Variants in MPZL1 observed in about 807,000 individuals in gnomAD.
The protein encoded by MPZL1 is myelin protein zero like 1.
In MPZL1, 16 loss-of-function variants were observed where a neutral mutation model predicts 29.3. That is an observed-to-expected ratio of 0.55 (90% CI 0.37 to 0.83). MPZL1 has a LOEUF of 0.83. Ranked by LOEUF, MPZL1 falls within the 40% of genes least tolerant of loss-of-function variation. The pLI is 0.00. For synonymous variants in MPZL1, 143 were observed against 132.0 expected, an observed-to-expected ratio of 1.08 and a Z score of -0.57; for missense variants, 279 against 332.9, an observed-to-expected ratio of 0.84 and a Z score of 1.26.
At chr1:167,738,823 G>A (rs1660437914) in intron 1 of MPZL1, among the ~76,000 whole-genome samples, 1 of 152,138 alleles carries the variant, frequency 6.6e-6, no homozygotes. Context: ...GCAAATGCCA[G>A]CATCATGCTT....
intron 1 of MPZL1, among the ~76,000 whole-genome samples, chr1:167,750,358 C>G (rs1040900002): frequency 2.5e-4 from 38 of 151,984 alleles, no homozygotes; most frequent in African/African-American, 9.2e-4. Context: ...ATGCTACCAA[C>G]GCCCAGCTAA....
Position 167,722,232 on chromosome 1 carries a change from G to T in MPZL1, c.81G>T (p.Ala27=), listed in dbSNP as rs901086821. Residue 27 remains alanine, a synonymous_variant, in exon 1 of 6, where the codon GCG becomes GCT. Transcript: ENST00000359523. ...RRWLWSVLAA[A]LGLLTAGVSA... is the part of the protein sequence containing the mutation. ...GGCTGTGGTCGGTGCTGGCGGCGGC[G>T]CTTGGGCTCTGTAAGTGATGCCAGG... 8.1e-7 allele frequency: 1 copy of T among 1,239,296 alleles called. No homozygotes were observed. 76.8% of individuals were successfully genotyped at this position (1,239,296 alleles called of 1,614,324 possible). A position where few individuals can be genotyped will look rare whatever the true frequency, so the allele number is the denominator to read the frequency against.
intron 1 of MPZL1, among the ~76,000 whole-genome samples, chr1:167,760,836 A>T (rs1660972911): frequency 6.6e-6 from 1 of 151,614 alleles, no homozygotes; most frequent in Non-Finnish European, 1.5e-5. Context: ...GGTCACCAAG[A>T]GAAGGAATGT....
intron 1 of MPZL1, 46 bp downstream of exon 1, chr1:167,722,288 C>G: frequency 8.1e-7 from 1 of 1,232,940 alleles, no homozygotes; most frequent in Non-Finnish European, 1.0e-6. Flanking sequence ...GTGGGGCCCC[C>G]GGGCCCGACA....
chr1:167,729,789 A>AT (rs1305405000), intron 1 of MPZL1, among the ~76,000 whole-genome samples: 1 of 152,188 alleles, frequency 6.6e-6, no homozygotes, highest in Non-Finnish European at 1.5e-5. Flanking sequence ...TTGAGTGCTT[A>AT]CTATGTGCCA....
At chr1:167,763,102 T>C (rs1276631761) in intron 1 of MPZL1, among the ~76,000 whole-genome samples, 1 of 152,108 alleles carries the variant, frequency 6.6e-6, no homozygotes, top group East Asian at 1.9e-4. Context: ...TGGTTAGTCT[T>C]TTTGCTCAAA....
chr1:167,764,130 C>A (rs1005583508), intron 1 of MPZL1, among the ~76,000 whole-genome samples: 3 of 152,092 alleles, frequency 2.0e-5, no homozygotes, highest in Admixed American at 2.0e-4. Context: ...CAAACGATTT[C>A]TTTAAAAAAT....
chr1:167,746,825 T>G (rs1660656420), intron 1 of MPZL1, among the ~76,000 whole-genome samples: 1 of 152,244 alleles, frequency 6.6e-6, no homozygotes, highest in Non-Finnish European at 1.5e-5. Flanking sequence ...CATTCTTAGT[T>G]TCCTCTAAAA....
At chr1:167,730,617 C>T (rs1049179811) in intron 1 of MPZL1, among the ~76,000 whole-genome samples, 1 of 152,234 alleles carries the variant, frequency 6.6e-6, no homozygotes, top group Middle Eastern at 3.4e-3. Context: ...ATACCTCTCC[C>T]GCTATCAAGA....
At chr1:167,739,278 T>TAC (rs1320065028) in intron 1 of MPZL1, among the ~76,000 whole-genome samples, 13 of 87,714 alleles carry the variant, frequency 1.5e-4, no homozygotes, top group African/African-American at 7.7e-4. Flanking sequence ...TATATACATA[T>TAC]ATACATATAT....
chr1:167,768,184 C>G (rs1049411715), intron 2 of MPZL1, among the ~76,000 whole-genome samples: 2 of 152,170 alleles, frequency 1.3e-5, no homozygotes, highest in African/African-American at 4.8e-5. Context: ...TATCAGGAAC[C>G]TAGATTCCCA....
Position 167,773,337 on chromosome 1 carries a change from A to G in MPZL1, c.574A>G (p.Arg192Gly), listed in dbSNP as rs756156098. 6.2e-7 allele frequency: 1 copy of G among 1,614,082 alleles called. No individual in the cohort carries two copies. The highest frequency in any genetic ancestry group is 1.1e-5 in the South Asian group (1 of 91,070). The change falls in exon 4 of 6, where the codon AGA (arginine) becomes GGA (glycine). Residue 192 changes from arginine (R) to glycine (G), a missense_variant. Physicochemically the swap from Arg to Gly is moderately radical, Grantham distance 125. Transcript: ENST00000359523. ...CAGCATGATTCTGGCTGTCCTCTATAGAAGGAAAAACTCTAAACGGGATTA... is the reference window on the plus strand; with the variant it reads ...CAGCATGATTCTGGCTGTCCTCTATGGAAGGAAAAACTCTAAACGGGATTA... Reference protein sequence around the residue: ...LISMILAVLYRRKNSKRDYTG... With the variant: ...LISMILAVLYGRKNSKRDYTG...
chr1:167,789,086 C>G lies in MPZL1; in HGVS notation c.*1165C>G, dbSNP rs1661653408. ...AGCATCAGTCATGGCTTTATAACAG[C>G]TTCATGGTGCCTCAAAGACTGTTGA... On this transcript the variant is annotated 3_prime_UTR_variant, in exon 6 of 6. Transcript: ENST00000359523. The G allele has an allele frequency of 6.6e-6, 1 of 152,124 alleles. No homozygotes were observed. The highest frequency in any genetic ancestry group is 2.4e-5 in the African/African-American group (1 of 41,420). The allele number at this position is 152,124 out of a possible 1,614,324, so 9.4% of individuals were successfully genotyped here. A position where few individuals can be genotyped will look rare whatever the true frequency, so the allele number is the denominator to read the frequency against.
intron 1 of MPZL1, among the ~76,000 whole-genome samples, chr1:167,755,771 G>A (rs1393815307): frequency 3.3e-5 from 5 of 152,116 alleles, no homozygotes; most frequent in South Asian, 2.1e-4. Flanking sequence ...GGCCAGCCAC[G>A]GTGCTTCTGC....
chr1:167,785,358 G>A (rs1467906135), intron 5 of MPZL1, among the ~76,000 whole-genome samples: 3 of 152,234 alleles, frequency 2.0e-5, no homozygotes, highest in Non-Finnish European at 4.4e-5. Flanking sequence ...TTCTTCACAT[G>A]GTAGTGGTGG....
At chr1:167,731,062 A>G (rs571572813) in intron 1 of MPZL1, among the ~76,000 whole-genome samples, 3 of 152,320 alleles carry the variant, frequency 2.0e-5, no homozygotes, top group East Asian at 3.9e-4. Context: ...AACCTTGCAC[A>G]CTAATGAAAT....
chr1:167,772,102 A>C (rs1185894266), intron 2 of MPZL1, among the ~76,000 whole-genome samples, 173 bp from the exon 3 acceptor site: 2 of 152,228 alleles, frequency 1.3e-5, no homozygotes, highest in East Asian at 3.8e-4. Flanking sequence ...CAGCCTCAGC[A>C]ACAGAGGGAG....
intron 5 of MPZL1, among the ~76,000 whole-genome samples, chr1:167,781,418 G>A (rs1293425088): frequency 6.6e-6 from 1 of 151,896 alleles, no homozygotes; most frequent in Non-Finnish European, 1.5e-5. Context: ...TGGCCACAAT[G>A]GAATTAAACA....
rs1166063546 is a variant in MPZL1, at chr1:167,775,666, CA to C, written c.606-397del. 2.6e-5 allele frequency among the ~76,000 whole-genome samples: 4 copies of C among 152,156 alleles called. 1 individual carries two copies. Among genetic ancestry groups the C allele is most frequent in the Non-Finnish European group, 4.4e-5 (3 of 68,022 alleles). The stretch of plus-strand genomic sequence containing the variant: ...TTTGATTATAACAAAAGTGAATTGC[CA>C]TTAAGCTAATAAAAGGTACCATAGA... On this transcript the variant is annotated intron_variant, in intron 4 of 5. Transcript: ENST00000359523.
Sources: allele counts gnomAD v4.1 joint callset (sites outside exome capture counted in the v4.1 genomes callset), GRCh38; gene constraint gnomAD v4.1.1; transcripts MANE v1.5; gene names NCBI Gene and HGNC (gene_info 2026-07-23, HGNC 2026-07-21).